The following DDX10 variants were observed in gnomAD, a reference collection of about 807,000 sequenced individuals.
DDX10 encodes probable ATP-dependent RNA helicase DDX10.
DDX10 carries 74 observed loss-of-function variants against 104.3 expected under a neutral mutation model. The observed-to-expected ratio is 0.71, with a 90% CI of 0.59 to 0.86. The LOEUF (loss-of-function observed/expected upper bound fraction) is 0.86. Among genes scored for constraint, DDX10 ranks in the 40% least tolerant of loss-of-function variants. The pLI, the probability that DDX10 is intolerant of heterozygous loss-of-function variation, is 0.00. For synonymous variants in DDX10, 351 were observed against 353.4 expected, an observed-to-expected ratio of 0.99 and a Z score of 0.08; for missense variants, 952 against 1,040.0, an observed-to-expected ratio of 0.92 and a Z score of 1.16.
At chr11:108,851,693 G>A (rs148938022) in intron 15 of DDX10, among the ~76,000 whole-genome samples, 88 of 149,346 alleles carry the variant, frequency 5.9e-4, no homozygotes, top group African/African-American at 2.2e-3. Context: ...ACTAGATTTG[G>A]CACATGAAGA....
rs76255093 is a variant in DDX10 at position 108,837,375 on chromosome 11, G to T, written c.1966-1071G>T. Among the ~76,000 whole-genome samples the T allele has an allele frequency of 7.5e-3, 1,145 of 152,210 alleles. 26 individuals carry two copies. Among genetic ancestry groups the T allele is most frequent in the African/African-American group, 0.026 (1,076 of 41,522 alleles). ...GTAATACTAGCTGTAATTTGAGGAG[G>T]ATAATCCAAATCCTCAGACCTGGGT... On this transcript the variant is annotated intron_variant, in intron 13 of 17. Transcript: ENST00000322536.
intron 17 of DDX10, among the ~76,000 whole-genome samples, chr11:108,931,963 A>G (rs1412804839): frequency 6.6e-6 from 1 of 151,992 alleles, no homozygotes; most frequent in Non-Finnish European, 1.5e-5. Flanking sequence ...AACAAAAGCT[A>G]CTAGAATCAG....
intron 13 of DDX10, among the ~76,000 whole-genome samples, chr11:108,773,149 TATG>T (rs1277119391): frequency 1.3e-5 from 2 of 152,226 alleles, no homozygotes; most frequent in Admixed American, 1.3e-4. Flanking sequence ...TATTAATACA[TATG>T]ATATTTGTTG....
chr11:108,808,841 G>T (rs1862137308), intron 13 of DDX10, among the ~76,000 whole-genome samples: 1 of 152,140 alleles, frequency 6.6e-6, no homozygotes, highest in Non-Finnish European at 1.5e-5. Flanking sequence ...TATTGAATGT[G>T]AAGGCAAGGG....
intron 13 of DDX10, among the ~76,000 whole-genome samples, chr11:108,738,781 C>G (rs2624139): frequency 0.12 from 18,695 of 152,154 alleles, 1,560 homozygotes; most frequent in East Asian, 0.27. Flanking sequence ...ACCCTACTTG[C>G]AGGTTAACGT....
At chr11:108,839,801 C>G (rs1422352681) in intron 14 of DDX10, among the ~76,000 whole-genome samples, 1 of 152,076 alleles carries the variant, frequency 6.6e-6, no homozygotes, top group Non-Finnish European at 1.5e-5. Context: ...AGGTCAGCAC[C>G]TGAGAAACAG....
At chr11:108,742,993 C>T (rs2094327109) in intron 13 of DDX10, among the ~76,000 whole-genome samples, 1 of 152,086 alleles carries the variant, frequency 6.6e-6, no homozygotes, top group Admixed American at 6.6e-5. Context: ...TGAAACTATT[C>T]CAAAAAATTG....
chr11:108,915,637 T>G (rs1863737814), intron 16 of DDX10, among the ~76,000 whole-genome samples: 1 of 152,172 alleles, frequency 6.6e-6, no homozygotes, highest in Non-Finnish European at 1.5e-5. Flanking sequence ...CCATTCAAAG[T>G]GCAAGGTAGA....
chr11:108,786,326 A>G (rs1296872704), intron 13 of DDX10, among the ~76,000 whole-genome samples: 2 of 152,040 alleles, frequency 1.3e-5, no homozygotes, highest in Admixed American at 6.6e-5. Flanking sequence ...TGTATATTCT[A>G]TGGTTGTTAG....
At chr11:108,881,164 C>A (rs1248315398) in intron 16 of DDX10, among the ~76,000 whole-genome samples, 1 of 152,124 alleles carries the variant, frequency 6.6e-6, no homozygotes, top group Admixed American at 6.6e-5. Context: ...CCTCTAGAAA[C>A]CTTTGTAAAT....
chr11:108,894,873 G>A (rs185339603), intron 16 of DDX10, among the ~76,000 whole-genome samples: 41 of 152,014 alleles, frequency 2.7e-4, no homozygotes, highest in African/African-American at 9.6e-4. Context: ...TTTACTACTG[G>A]AAAGAGTATT....
chr11:108,805,838 C>T (rs1862090583), intron 13 of DDX10, among the ~76,000 whole-genome samples: 1 of 152,006 alleles, frequency 6.6e-6, no homozygotes, highest in Non-Finnish European at 1.5e-5. Context: ...AATAAATGTA[C>T]TTATTTAATA....
chr11:108,852,624 A>C (rs1862810296), intron 16 of DDX10, among the ~76,000 whole-genome samples: 1 of 152,242 alleles, frequency 6.6e-6, no homozygotes, highest in Non-Finnish European at 1.5e-5. Context: ...CTCTGAAAGC[A>C]TCAGTTCAGC....
chr11:108,901,641 T>C (rs1353451614), intron 16 of DDX10, among the ~76,000 whole-genome samples: 1 of 152,208 alleles, frequency 6.6e-6, no homozygotes, highest in Non-Finnish European at 1.5e-5. Context: ...ATAAACATGC[T>C]GTAGTCTTAA....
chr11:108,676,945 T>G, intron 3 of DDX10, 140 bp from the exon 4 acceptor site: 1 of 676,322 alleles, frequency 1.5e-6, no homozygotes, highest in African/African-American at 1.8e-5. Context: ...AACAAAATCA[T>G]TTACTTTGGA....
At chr11:108,738,139 G>T (rs2094320611) in intron 13 of DDX10, among the ~76,000 whole-genome samples, 1 of 151,204 alleles carries the variant, frequency 6.6e-6, no homozygotes, top group Non-Finnish European at 1.5e-5. Flanking sequence ...TATCTGAACT[G>T]TCTTCTGCTT....
chr11:108,876,955 T>C lies in DDX10; in HGVS notation c.2304+24746T>C, dbSNP rs529689219. Among the ~76,000 whole-genome samples the C allele has an allele frequency of 1.9e-4, 29 of 152,290 alleles. No homozygotes were observed. In the South Asian group the frequency reaches 5.6e-3, roughly 29 times the overall value. On this transcript the variant is annotated intron_variant, in intron 16 of 17. Coordinates refer to ENST00000322536, the MANE Select transcript of DDX10 (RefSeq NM_004398.4). ...AAACCTCCCCTATAAAGGAGATTCT[T>C]GGTTTGATAGTGGTTAGTCCAGCTG...
intron 16 of DDX10, among the ~76,000 whole-genome samples, chr11:108,872,481 G>A (rs1298063660): frequency 1.3e-5 from 2 of 152,116 alleles, no homozygotes; most frequent in African/African-American, 2.4e-5. Context: ...TGCGGGTGTA[G>A]TTTATAAAAA....
intron 13 of DDX10, among the ~76,000 whole-genome samples, chr11:108,802,681 T>G (rs757749682): frequency 1.1e-4 from 16 of 152,174 alleles, no homozygotes; most frequent in Non-Finnish European, 1.9e-4. Context: ...CAGAGTGAGT[T>G]GTTTCCATTG....
Sources: allele counts gnomAD v4.1 joint callset (sites outside exome capture counted in the v4.1 genomes callset), GRCh38; gene constraint gnomAD v4.1.1; transcripts MANE v1.5; gene names NCBI Gene and HGNC (gene_info 2026-07-23, HGNC 2026-07-21).